Variants in IQCJ observed in about 807,000 individuals in gnomAD.
IQCJ encodes the protein IQ domain-containing protein J.
In IQCJ, 9 loss-of-function variants were observed where a neutral mutation model predicts 11.0. The ratio of observed to expected loss-of-function variants is 0.82; its 90% CI spans 0.49 to 1.43. The LOEUF (loss-of-function observed/expected upper bound fraction) is 1.43. IQCJ is among the 40% of genes most tolerant of loss of function. The pLI, the probability that IQCJ is intolerant of heterozygous loss-of-function variation, is 0.00. For synonymous variants in IQCJ, 55 were observed against 51.3 expected (o/e 1.07, Z -0.31); for missense variants, 146 against 133.2 (o/e 1.10, Z -0.47).
chr3:159,082,288 G>C (rs1415589223), intron 1 of IQCJ, among the ~76,000 whole-genome samples: 5 of 151,538 alleles, frequency 3.3e-5, no homozygotes, highest in African/African-American at 9.7e-5. Flanking sequence ...TTATGGCCTA[G>C]ATTGTGCTTC....
intron 1 of IQCJ, among the ~76,000 whole-genome samples, chr3:159,241,653 C>T (rs1726931631): frequency 6.6e-6 from 1 of 152,176 alleles, no homozygotes; most frequent in Admixed American, 6.5e-5. Context: ...ATTTCAAAAT[C>T]CTAACACTCC....
chr3:159,081,463 C>A (rs1330779481), intron 1 of IQCJ, among the ~76,000 whole-genome samples: 1 of 151,922 alleles, frequency 6.6e-6, no homozygotes, highest in Non-Finnish European at 1.5e-5. Flanking sequence ...ATACAGCATT[C>A]GAGAGATTTT....
chr3:159,106,630 A>G (rs906036774), intron 1 of IQCJ, among the ~76,000 whole-genome samples: 5 of 152,168 alleles, frequency 3.3e-5, no homozygotes, highest in Admixed American at 3.3e-4. Context: ...CAAGCCTGTA[A>G]TTCTCCAGAC....
At chr3:159,173,235 A>G (rs1290389609) in intron 1 of IQCJ, among the ~76,000 whole-genome samples, 2 of 152,216 alleles carry the variant, frequency 1.3e-5, no homozygotes, top group Non-Finnish European at 2.9e-5. Context: ...GTCTTTAAGC[A>G]TTCCTTAATG....
intron 1 of IQCJ, among the ~76,000 whole-genome samples, chr3:159,139,305 T>A (rs1190896799): frequency 1.3e-5 from 2 of 152,214 alleles, no homozygotes; most frequent in Non-Finnish European, 2.9e-5. Flanking sequence ...CTGTTTTTTT[T>A]AATAGAACTA....
chr3:159,084,913 C>CTT (rs59109822), intron 1 of IQCJ, among the ~76,000 whole-genome samples: 115 of 148,996 alleles, frequency 7.7e-4, no homozygotes, highest in Non-Finnish European at 1.0e-3. Context: ...TGCATAAGTT[C>CTT]TTTTTTTTTT....
chr3:159,217,730 A>C (rs1030880160), intron 1 of IQCJ, among the ~76,000 whole-genome samples: 2 of 151,890 alleles, frequency 1.3e-5, no homozygotes, highest in Non-Finnish European at 2.9e-5. Context: ...CCTCCTCCCC[A>C]GTTTCTCCAT....
At chr3:159,110,762 A>G (rs1268776743) in intron 1 of IQCJ, among the ~76,000 whole-genome samples, 1 of 152,222 alleles carries the variant, frequency 6.6e-6, no homozygotes, top group African/African-American at 2.4e-5. Flanking sequence ...TGCATCTGGC[A>G]TAAACGGGCC....
chr3:159,119,774 C>T (rs532170554), intron 1 of IQCJ, among the ~76,000 whole-genome samples: 1 of 152,264 alleles, frequency 6.6e-6, no homozygotes, highest in Non-Finnish European at 1.5e-5. Flanking sequence ...CTGAGCCTCT[C>T]CTTTCCCCAT....
chr3:159,196,210 A>G (rs899235499), intron 1 of IQCJ, among the ~76,000 whole-genome samples: 2 of 152,204 alleles, frequency 1.3e-5, no homozygotes, highest in Admixed American at 6.5e-5. Context: ...TTTCACTCCA[A>G]TTGCTAGCAA....
chr3:159,264,178 A>T (rs1008156852), downstream of IQCJ, among the ~76,000 whole-genome samples: 1 of 152,192 alleles, frequency 6.6e-6, no homozygotes, highest in Non-Finnish European at 1.5e-5. Flanking sequence ...AATTCACGAC[A>T]ATTCTCAATT....
intron 1 of IQCJ, among the ~76,000 whole-genome samples, chr3:159,163,701 C>T (rs1722007614): frequency 6.6e-6 from 1 of 152,132 alleles, no homozygotes; most frequent in Admixed American, 6.5e-5. Flanking sequence ...ATCCTTGTAA[C>T]AATCCTAGAA....
intron 1 of IQCJ, among the ~76,000 whole-genome samples, chr3:159,131,809 G>T (rs769078018): frequency 2.6e-5 from 4 of 152,130 alleles, no homozygotes; most frequent in Non-Finnish European, 4.4e-5. Context: ...ATATTATTTA[G>T]CCTTGGGTCT....
At position 159,090,587 on chromosome 3, in the gene IQCJ, GA is replaced by G. The variant is rs144737809; in HGVS notation, c.9+21147del. ...AGACTTGTTCAGGGCTGAAAACTTG[GA>G]GGCACATATGGGTGTGTCATATTGG... On this transcript the variant is annotated intron_variant, in intron 1 of 3. Transcript: ENST00000397832. 4.1e-3 allele frequency among the ~76,000 whole-genome samples: 622 copies of G among 151,894 alleles called. 22 individuals carry two copies. Among genetic ancestry groups the G allele is most frequent in the African/African-American group, 0.014 (592 of 41,182 alleles).
intron 1 of IQCJ, among the ~76,000 whole-genome samples, chr3:159,157,792 A>C (rs917151593): frequency 3.3e-5 from 5 of 152,146 alleles, no homozygotes; most frequent in Admixed American, 2.0e-4. Flanking sequence ...TTATTTACAC[A>C]TGGGGTTGCA....
intron 1 of IQCJ, among the ~76,000 whole-genome samples, chr3:159,184,410 CTT>C (rs1723268622): frequency 6.6e-6 from 1 of 152,160 alleles, no homozygotes; most frequent in Non-Finnish European, 1.5e-5. Flanking sequence ...TTCCTGATAA[CTT>C]ATAGCTCTTC....
At chr3:159,229,682 C>T (rs542419171) in intron 1 of IQCJ, among the ~76,000 whole-genome samples, 1 of 138,564 alleles carries the variant, frequency 7.2e-6, no homozygotes, top group Non-Finnish European at 1.6e-5. Context: ...GTGGCTTCTA[C>T]TCAACCCCAA....
chr3:159,168,494 T>C (rs1348380763), intron 1 of IQCJ, among the ~76,000 whole-genome samples: 1 of 152,178 alleles, frequency 6.6e-6, no homozygotes, highest in Non-Finnish European at 1.5e-5. Context: ...TCCTCCACCA[T>C]AACCACTACA....
chr3:159,138,396 A>T (rs1256771775), intron 1 of IQCJ, among the ~76,000 whole-genome samples: 1 of 152,226 alleles, frequency 6.6e-6, no homozygotes, highest in African/African-American at 2.4e-5. Flanking sequence ...TAGCTAAAAA[A>T]ACCCATAAAA....
Sources: allele counts gnomAD v4.1 joint callset (sites outside exome capture counted in the v4.1 genomes callset), GRCh38; gene constraint gnomAD v4.1.1; transcripts MANE v1.5; gene names NCBI Gene and HGNC (gene_info 2026-07-23, HGNC 2026-07-21).